Variants in PGS1 observed in about 807,000 individuals in gnomAD.
The protein encoded by PGS1 is phosphatidylglycerophosphate synthase 1, also known as CDP-diacylglycerol--glycerol-3-phosphate 3-phosphatidyltransferase, mitochondrial.
Under a neutral mutation model 58.3 loss-of-function variants are expected in PGS1, and 44 were observed. The ratio of observed to expected loss-of-function variants is 0.75; its 90% CI spans 0.59 to 0.97. The LOEUF (loss-of-function observed/expected upper bound fraction) is 0.97. PGS1 is among the 50% of genes least tolerant of loss of function. The pLI, the probability that PGS1 is intolerant of heterozygous loss-of-function variation, is 0.00. For missense variants in PGS1, 684 were observed against 731.1 expected (o/e 0.94, Z 0.74); for synonymous variants, 330 against 311.0 (o/e 1.06, Z -0.64).
At chr17:78,380,525 A>G (rs558146262) in intron 1 of PGS1, among the ~76,000 whole-genome samples, 51 of 152,362 alleles carry the variant, frequency 3.3e-4, no homozygotes, top group African/African-American at 1.2e-3. Flanking sequence ...CTGTAAAAGA[A>G]ATGGCCTCTG....
At position 78,419,443 on chromosome 17, in the gene PGS1, G is replaced by C. The variant is rs759252887; in HGVS notation, c.1552-103G>C. The C allele has an allele frequency of 6.0e-6, 6 of 1,002,588 alleles. No homozygotes were observed. The African/African-American group carries it at 6.4e-5, about 11-fold the overall frequency. 62.1% of individuals were successfully genotyped at this position (1,002,588 alleles called of 1,614,324 possible). A position where few individuals can be genotyped will look rare whatever the true frequency, so the allele number is the denominator to read the frequency against. On this transcript the variant is annotated intron_variant, in intron 8 of 9. Coordinates refer to ENST00000262764, the MANE Select transcript of PGS1 (RefSeq NM_024419.5). ...TGGGCCAGGTAGACATGGGAAGTCA[G>C]GGTTTTCTGGGCTGGCCTGAGGGGC...
chr17:78,404,507 G>A (rs374198255), intron 7 of PGS1, among the ~76,000 whole-genome samples: 1 of 151,578 alleles, frequency 6.6e-6, no homozygotes, highest in Admixed American at 6.6e-5. Context: ...TTTGAACTCC[G>A]GAGCTCAAGT....
At chr17:78,420,316 C>G in intron 9 of PGS1, 6 of 735,322 alleles carry the variant, frequency 8.2e-6, no homozygotes, top group Non-Finnish European at 1.0e-5. Context: ...GTCCCACAGT[C>G]ACCTGAGGTA....
Position 78,392,617 on chromosome 17 carries a change from T to C in PGS1, c.285T>C (p.Ser95=), listed in dbSNP as rs755520304. ...TTCCAGAATTTGGAGTCTCCAGTTCTCACGTTAGGGTGCTTTCTTCCCCGG... is the reference window on the plus strand; with the variant it reads ...TTCCAGAATTTGGAGTCTCCAGTTCCCACGTTAGGGTGCTTTCTTCCCCGG... ...NLVPEFGVSS[S]HVRVLSSPAE... The change falls in exon 2 of 10, where the codon TCT becomes TCC. Residue 95 remains serine, a synonymous_variant. Transcript: ENST00000262764. 6.2e-7 allele frequency: 1 copy of C among 1,614,208 alleles called. No homozygotes were observed. Among genetic ancestry groups the C allele is most frequent in the Non-Finnish European group, 8.5e-7 (1 of 1,180,026 alleles).
intron 1 of PGS1, among the ~76,000 whole-genome samples, chr17:78,383,751 T>G (rs2082195238): frequency 6.6e-6 from 1 of 152,154 alleles, no homozygotes; most frequent in South Asian, 2.1e-4. Flanking sequence ...GCCAAATAAT[T>G]CAGATTTGAT....
intron 7 of PGS1, among the ~76,000 whole-genome samples, chr17:78,413,973 C>T (rs1786792617): frequency 6.6e-6 from 1 of 152,234 alleles, no homozygotes; most frequent in Non-Finnish European, 1.5e-5. Context: ...TACTGACTGG[C>T]TCATTTCCCA....
chr17:78,423,309 T>G (rs2081118561), intron 9 of PGS1, among the ~76,000 whole-genome samples: 1 of 152,134 alleles, frequency 6.6e-6, no homozygotes, highest in African/African-American at 2.4e-5. Context: ...CGGGGCTTGC[T>G]TGTGGGAACG....
chr17:78,405,505 T>C (rs2146247252), intron 7 of PGS1, among the ~76,000 whole-genome samples: 1 of 152,308 alleles, frequency 6.6e-6, no homozygotes, highest in South Asian at 2.1e-4. Context: ...CACTCTGCAA[T>C]GCATGTTTAT....
chr17:78,422,808 G>T (rs1313709000), intron 9 of PGS1, among the ~76,000 whole-genome samples: 2 of 151,458 alleles, frequency 1.3e-5, no homozygotes, highest in African/African-American at 4.8e-5. Context: ...CCTGAGAAAT[G>T]TTGAGGGCCG....
rs1432311375 is a variant in PGS1, at chr17:78,398,226, T to C, written c.412-26T>C. On this transcript the variant is annotated intron_variant, in intron 3 of 9. Transcript: ENST00000262764. Reference sequence around the variant, plus strand: ...ACACACACCTCTTTGGGTCTTAATCTTCTTTTCTGTGTTCTTTCTTGGTAG... The same window carrying C: ...ACACACACCTCTTTGGGTCTTAATCCTCTTTTCTGTGTTCTTTCTTGGTAG... 3.9e-6 allele frequency: 6 copies of C among 1,530,954 alleles called. No individual in the cohort carries two copies. The African/African-American group carries it at 8.2e-5, about 21-fold the overall frequency. The allele number at this position is 1,530,954 out of a possible 1,614,324, so 94.8% of individuals were successfully genotyped here.
chr17:78,393,209 T>C (rs9912930), intron 2 of PGS1, among the ~76,000 whole-genome samples: 149,945 of 152,056 alleles, frequency 0.99, 73,967 homozygotes, highest in East Asian at 1. Flanking sequence ...TACAGGCGCC[T>C]GCCACCACGC....
chr17:78,404,161 T>A, intron 7 of PGS1, 72 bp downstream of exon 7: 1 of 1,433,834 alleles, frequency 7.0e-7, no homozygotes, highest in East Asian at 2.5e-5. Context: ...TGGGGAGCCC[T>A]GGCGCCTACC....
At position 78,399,549 on chromosome 17, in the gene PGS1, C is replaced by T. The variant is rs759116800; in HGVS notation, c.701+12C>T. ...GTCATCTTGAGCGGGTGAGTGCTTC[C>T]CACCGTCAGTGCTTTTGCCCTCCTG... is the stretch of plus-strand genomic sequence containing the variant. On this transcript the variant is annotated intron_variant, in intron 5 of 9. Transcript: ENST00000262764. 1.2e-6 allele frequency: 2 copies of T among 1,613,526 alleles called. No individual in the cohort carries two copies. Among genetic ancestry groups the T allele is most frequent in the Non-Finnish European group, 1.7e-6 (2 of 1,179,544 alleles).
At position 78,419,627 on chromosome 17, in the gene PGS1, G is replaced by GTGAAGA; in HGVS notation, c.1636_1641dup (p.Lys546_Met547dup). ...GCCGAGTCGCCAGGTGAAGCTGTGGGTGAAGATGGTGACTCCACTGATCAA... is the reference window on the plus strand; with the variant it reads ...GCCGAGTCGCCAGGTGAAGCTGTGGGTGAAGATGAAGATGGTGACTCCACTGATCAA... On this transcript the variant is annotated inframe_insertion, in exon 9 of 10. Coordinates refer to ENST00000262764, the MANE Select transcript of PGS1 (RefSeq NM_024419.5). 1 of 1,614,102 alleles carries GTGAAGA rather than the reference G, an allele frequency of 6.2e-7. No individual in the cohort carries two copies. Among genetic ancestry groups the GTGAAGA allele is most frequent in the Non-Finnish European group, 8.5e-7 (1 of 1,179,986 alleles).
At chr17:78,411,797 G>C (rs2084722258) in intron 7 of PGS1, among the ~76,000 whole-genome samples, 1 of 151,162 alleles carries the variant, frequency 6.6e-6, no homozygotes, top group African/African-American at 2.4e-5. Context: ...TCTTAGCCCT[G>C]TGTATACACA....
chr17:78,393,695 T>C (rs972055802), intron 2 of PGS1, among the ~76,000 whole-genome samples: 2 of 152,170 alleles, frequency 1.3e-5, no homozygotes, highest in Non-Finnish European at 2.9e-5. Flanking sequence ...TTAGGGACTC[T>C]GTCTTAAGTG....
At chr17:78,397,655 AAAC>A (rs142333355) in intron 3 of PGS1, among the ~76,000 whole-genome samples, 7,898 of 151,828 alleles carry the variant, frequency 0.052, 293 homozygotes, top group East Asian at 0.21. Flanking sequence ...GGCTGGTCTT[AAAC>A]TCCTGACCTT....
chr17:78,412,496 TATG>T (rs1160610162), intron 7 of PGS1, among the ~76,000 whole-genome samples: 1 of 152,206 alleles, frequency 6.6e-6, no homozygotes, highest in Non-Finnish European at 1.5e-5. Flanking sequence ...CGGTTGTGCG[TATG>T]ATGAAGTTGT....
At chr17:78,392,417 T>C (rs1279979749) in intron 1 of PGS1, 59 bp from the exon 2 acceptor site, 7 of 1,286,978 alleles carry the variant, frequency 5.4e-6, no homozygotes, top group Non-Finnish European at 7.6e-6. Flanking sequence ...TGAGGGGGGC[T>C]TCTGCAGAAG....
Sources: allele counts gnomAD v4.1 joint callset (sites outside exome capture counted in the v4.1 genomes callset), GRCh38; gene constraint gnomAD v4.1.1; transcripts MANE v1.5; gene names NCBI Gene and HGNC (gene_info 2026-07-23, HGNC 2026-07-21).